Variants in KNTC1 observed in about 807,000 individuals in gnomAD.
The protein encoded by KNTC1 is kinetochore associated 1.
A neutral mutation model predicts 314.4 loss-of-function variants in KNTC1; 253 were observed. That is an observed-to-expected ratio of 0.80 (90% CI 0.73 to 0.89). The LOEUF is 0.89. Ranked by LOEUF, KNTC1 falls within the 40% of genes least tolerant of loss-of-function variation. KNTC1 has a pLI of 0.00. For synonymous variants in KNTC1, 901 were observed against 901.4 expected, an observed-to-expected ratio of 1.00 and a Z score of 0.01; for missense variants, 2,475 against 2,572.9, an observed-to-expected ratio of 0.96 and a Z score of 0.82.
At chr12:122,618,297 T>C in intron 57 of KNTC1, 46 bp from the exon 58 acceptor site, 1 of 1,562,980 alleles carries the variant, frequency 6.4e-7, no homozygotes, top group East Asian at 2.2e-5. Context: ...AGAGAGTTTG[T>C]AATATCCTTA....
At chr12:122,586,795 T>A in intron 38 of KNTC1, 38 bp downstream of exon 38, 1 of 570,690 alleles carries the variant, frequency 1.8e-6, no homozygotes, top group Non-Finnish European at 2.5e-6. Context: ...TCTATTAATA[T>A]TTATTTATTT....
chr12:122,577,828 A>G lies in KNTC1; in HGVS notation c.2841+37A>G, dbSNP rs570712898. On this transcript the variant is annotated intron_variant, in intron 31 of 63. Transcript: ENST00000333479. ...ACTAAGTAAAATATAAGTAAATCCA[A>G]TTTTTATGGCTATTAATCAATAGGA... 1.7e-5 allele frequency: 26 copies of G among 1,564,614 alleles called. No homozygotes were observed. In the East Asian group the frequency reaches 3.2e-4, roughly 19 times the overall value.
chr12:122,594,217 C>A, intron 42 of KNTC1, 59 bp from the exon 43 acceptor site: 2 of 950,454 alleles, frequency 2.1e-6, no homozygotes, highest in Non-Finnish European at 3.4e-6. Context: ...GTTGCCCTTA[C>A]TCTGATACAT....
At chr12:122,572,297 C>T (rs1964737367) in intron 24 of KNTC1, among the ~76,000 whole-genome samples, 1 of 151,784 alleles carries the variant, frequency 6.6e-6, no homozygotes, top group African/African-American at 2.4e-5. Context: ...TGAGAGCCTG[C>T]GGCAGGAGAA....
intron 5 of KNTC1, among the ~76,000 whole-genome samples, chr12:122,540,852 TTACTA>T (rs1962249557): frequency 6.6e-6 from 1 of 152,198 alleles, no homozygotes; most frequent in South Asian, 2.1e-4. Flanking sequence ...ATCTGTAACA[TTACTA>T]TAATATTTGA....
At chr12:122,597,078 G>C (rs1220982564) in intron 43 of KNTC1, among the ~76,000 whole-genome samples, 3 of 152,080 alleles carry the variant, frequency 2.0e-5, no homozygotes, top group South Asian at 4.2e-4. Context: ...TCATTACAAA[G>C]AGTTGCTGCA....
chr12:122,545,651 T>C (rs1265873213), intron 8 of KNTC1, among the ~76,000 whole-genome samples: 2 of 152,166 alleles, frequency 1.3e-5, no homozygotes, highest in Non-Finnish European at 2.9e-5. Context: ...CTAAATACGC[T>C]CATTAAATAT....
intron 62 of KNTC1, among the ~76,000 whole-genome samples, chr12:122,624,017 G>A (rs1001241020): frequency 7.2e-5 from 11 of 152,038 alleles, no homozygotes; most frequent in African/African-American, 7.2e-5. Context: ...GCAGTGAGCC[G>A]AGATCGCACC....
intron 5 of KNTC1, among the ~76,000 whole-genome samples, chr12:122,540,653 A>C (rs571730712): frequency 2.6e-5 from 4 of 152,158 alleles, no homozygotes; most frequent in South Asian, 4.2e-4. Flanking sequence ...TATTCTTTTA[A>C]AATGTGTTTC....
intron 20 of KNTC1, chr12:122,563,793 T>TC: frequency 1.4e-6 from 2 of 1,479,318 alleles, no homozygotes; most frequent in Non-Finnish European, 1.8e-6. Context: ...TGATGACTCT[T>TC]CCACAGTTTT....
intron 41 of KNTC1, among the ~76,000 whole-genome samples, chr12:122,591,065 C>T (rs1870119763): frequency 6.6e-6 from 1 of 151,994 alleles, no homozygotes; most frequent in East Asian, 1.9e-4. Flanking sequence ...TAGAAAATTT[C>T]TCTTGGATAT....
intron 62 of KNTC1, 35 bp downstream of exon 62, chr12:122,622,642 A>T: frequency 2.7e-6 from 4 of 1,457,774 alleles, no homozygotes; most frequent in Non-Finnish European, 3.7e-6. Flanking sequence ...CTTACTGTGG[A>T]ATTTCCTTAA....
Position 122,603,039 on chromosome 12 carries a change from ACT to A in KNTC1, c.4900_4901del (p.Leu1634ValfsTer24), listed in dbSNP as rs767478087. The A allele has an allele frequency of 2.9e-5, 46 of 1,613,434 alleles. No homozygotes were observed. Among genetic ancestry groups the A allele is most frequent in the Non-Finnish European group, 3.8e-5 (45 of 1,179,724 alleles). On this transcript the variant is annotated frameshift_variant, in exon 48 of 64. Coordinates refer to ENST00000333479, the MANE Select transcript of KNTC1 (RefSeq NM_014708.6). LOFTEE classifies it high-confidence loss of function. ...ISKLMKFSLD[T>X]LYVSTAKHVF... is the part of the protein sequence containing the mutation. ...CTTTTCTTTGAAGTTCTCTCTGGAC[ACT>A]CTGTACGTGTCTACAGCAAAACACG...
rs762564028 is a variant in KNTC1 at position 122,574,290 on chromosome 12, G to A, written c.2292G>A (p.Leu764=). The A allele has an allele frequency of 6.3e-7, 1 of 1,597,128 alleles. No individual in the cohort carries two copies. The highest frequency in any genetic ancestry group is 1.3e-5 in the African/African-American group (1 of 74,212). ...ELLLLYIEDL[L]NRCSSKSTSL... The stretch of plus-strand genomic sequence containing the variant: ...TGTTTATCCCTTTTTAGGATTTACT[G>A]AATAGATGCAGCTCAAAGTCCACAT... Residue 764 remains leucine (L), a synonymous_variant, in exon 27 of 64, where the codon CTG becomes CTA. Coordinates refer to ENST00000333479, the MANE Select transcript of KNTC1 (RefSeq NM_014708.6).
Position 122,602,721 on chromosome 12 carries a change from GA to G in KNTC1, c.4808del (p.Asn1603ThrfsTer20). 1 of 1,613,708 alleles carries G rather than the reference GA, an allele frequency of 6.2e-7. No homozygotes were observed. The highest frequency in any genetic ancestry group is 8.5e-7 in the Non-Finnish European group (1 of 1,179,806). On this transcript the variant is annotated frameshift_variant, in exon 46 of 64. Coordinates refer to ENST00000333479, the MANE Select transcript of KNTC1 (RefSeq NM_014708.6). LOFTEE classifies it high-confidence loss of function. The stretch of plus-strand genomic sequence containing the variant: ...ACCTGATATTCTTTGGCACAGCACA[GA>G]ACTTCTGGAAAATTCTCTGTATGTG... ...FHLIFFGTAQ[N>X]FWKILSTELS...
chr12:122,604,931 C>A lies in KNTC1; in HGVS notation c.5230C>A (p.Arg1744=). 1 of 1,610,396 alleles carries A rather than the reference C, an allele frequency of 6.2e-7. No homozygotes were observed. The highest frequency in any genetic ancestry group is 1.1e-5 in the South Asian group (1 of 90,222). The change falls in exon 50 of 64, where the codon CGG becomes AGG. Residue 1744 remains arginine (R), a synonymous_variant. Coordinates refer to ENST00000333479, the MANE Select transcript of KNTC1 (RefSeq NM_014708.6). The part of the protein sequence containing the change: ...ALLKKLHIQY[R]RSGTEAVLIA... ...GTTGAAGAAGCTTCATATCCAGTAC[C>A]GGCGATCGGGCACAGAAGCTGTGCT...
Position 122,568,248 on chromosome 12 carries a change from T to G in KNTC1, c.1605-13T>G, listed in dbSNP as rs370468461. On this transcript the variant is annotated splice_polypyrimidine_tract_variant and intron_variant, in intron 20 of 63. Transcript: ENST00000333479. The stretch of plus-strand genomic sequence containing the variant: ...TTTTAAAACTGACTTTTTTCCCTTC[T>G]TTGTCTATTCAGTGGCAGTTCTTGG... 18 of 1,287,106 alleles carry G rather than the reference T, an allele frequency of 1.4e-5. No individual in the cohort carries two copies. Among genetic ancestry groups the G allele is most frequent in the Non-Finnish European group, 1.8e-5 (16 of 900,660 alleles). The allele number at this position is 1,287,106 out of a possible 1,614,324, so 79.7% of individuals were successfully genotyped here.
At chr12:122,610,736 C>G (rs948580620) in intron 52 of KNTC1, 86 bp from the exon 53 acceptor site, 8 of 837,500 alleles carry the variant, frequency 9.6e-6, no homozygotes, top group African/African-American at 3.4e-5. Flanking sequence ...GTCTAATGAC[C>G]GTTCCATGGA....
chr12:122,542,476 G>GC (rs780627304), intron 6 of KNTC1, among the ~76,000 whole-genome samples: 11 of 152,130 alleles, frequency 7.2e-5, no homozygotes, highest in Admixed American at 1.3e-4. Flanking sequence ...TGTTAATAGT[G>GC]CAGAACAGGG....
Sources: gnomAD v4.1 joint callset for allele counts (sites outside exome capture counted in the v4.1 genomes callset) on GRCh38, gnomAD v4.1.1 for gene constraint, MANE v1.5 for transcripts, NCBI Gene and HGNC (gene_info 2026-07-23, HGNC 2026-07-21) for gene names.